Variants in DLEU7 observed in about 807,000 individuals in gnomAD.
The protein encoded by DLEU7 is deleted in lymphocytic leukemia 7, also known as leukemia-associated protein 7.
In DLEU7, 17 loss-of-function variants were observed where a neutral mutation model predicts 16.0. That is an observed-to-expected ratio of 1.06 (90% CI 0.73 to 1.59). The LOEUF is 1.59. Among genes scored for constraint, DLEU7 ranks in the 40% most tolerant of loss-of-function variants. DLEU7 has a pLI of 0.00. For synonymous variants in DLEU7, 113 were observed against 139.8 expected (o/e 0.81, Z 1.35); for missense variants, 308 against 314.9 (o/e 0.98, Z 0.17).
At chr13:50,814,761 A>AGT (rs10670911) in intron 1 of DLEU7, among the ~76,000 whole-genome samples, 7,342 of 138,576 alleles carry the variant, frequency 0.053, 533 homozygotes, top group African/African-American at 0.16. Context: ...TATTCATGTG[A>AGT]GTGTGTGTGT....
chr13:50,833,563 A>G (rs1877347346), intron 1 of DLEU7, among the ~76,000 whole-genome samples: 1 of 152,246 alleles, frequency 6.6e-6, no homozygotes, highest in Admixed American at 6.5e-5. Context: ...ATGGAAAAAC[A>G]TTCCATGCTC....
chr13:50,784,179 A>T (rs1041067809), intron 1 of DLEU7, among the ~76,000 whole-genome samples: 16 of 152,194 alleles, frequency 1.1e-4, no homozygotes, highest in African/African-American at 3.4e-4. Flanking sequence ...TGATGTGCTC[A>T]TGTTGTATTA....
At chr13:50,812,156 CGG>C (rs1876590469) in intron 1 of DLEU7, among the ~76,000 whole-genome samples, 1 of 150,694 alleles carries the variant, frequency 6.6e-6, no homozygotes. Context: ...CACTGATTTA[CGG>C]TATTTTTTTC....
At chr13:50,797,101 C>G (rs1876128144) in intron 1 of DLEU7, among the ~76,000 whole-genome samples, 1 of 152,102 alleles carries the variant, frequency 6.6e-6, no homozygotes. Context: ...GATGTAAGAT[C>G]CGAACGTGGA....
chr13:50,765,376 G>A (rs1875071510), intron 1 of DLEU7, among the ~76,000 whole-genome samples: 1 of 152,062 alleles, frequency 6.6e-6, no homozygotes. Context: ...GTGCAGACAG[G>A]GGAAGGAAAA....
intron 1 of DLEU7, among the ~76,000 whole-genome samples, chr13:50,826,263 GAC>G (rs1877083601): frequency 6.6e-6 from 1 of 152,130 alleles, no homozygotes; most frequent in Non-Finnish European, 1.5e-5. Flanking sequence ...ACAGGCCACA[GAC>G]CAGTTCCTGT....
chr13:50,724,105 A>G (rs1342511731), intron 1 of DLEU7, among the ~76,000 whole-genome samples: 2 of 152,152 alleles, frequency 1.3e-5, no homozygotes, highest in Non-Finnish European at 2.9e-5. Context: ...CAGATGGTCA[A>G]TACATTTAAT....
chr13:50,837,933 G>A (rs568436275), intron 1 of DLEU7, among the ~76,000 whole-genome samples: 162 of 152,296 alleles, frequency 1.1e-3, no homozygotes, highest in African/African-American at 3.8e-3. Context: ...AACTCATGGG[G>A]CTGGGTACTG....
chr13:50,718,580 T>A (rs1873503904), intron 1 of DLEU7, among the ~76,000 whole-genome samples: 1 of 152,202 alleles, frequency 6.6e-6, no homozygotes, highest in Non-Finnish European at 1.5e-5. Context: ...GTTTTCTGAA[T>A]CAGTCATTCT....
At position 50,739,075 on chromosome 13, in the gene DLEU7, C is replaced by T. The variant is rs2761848; in HGVS notation, c.460-25835G>A. Among the ~76,000 whole-genome samples, 736 of 152,100 alleles carry T rather than the reference C, an allele frequency of 4.8e-3. 1 individual carries two copies. Among genetic ancestry groups the T allele is most frequent in the Non-Finnish European group, 8.4e-3 (573 of 67,956 alleles). The stretch of plus-strand genomic sequence containing the variant: ...TCTTATCATGTTCTTTCCTGCCTTG[C>T]GGCTTTACCAGGGACCTACCCTACC... On this transcript the variant is annotated intron_variant, in intron 1 of 1. Transcript: ENST00000400393.
At chr13:50,748,196 ATTTCT>A (rs889279959) in intron 1 of DLEU7, among the ~76,000 whole-genome samples, 1 of 106,620 alleles carries the variant, frequency 9.4e-6, no homozygotes, top group African/African-American at 3.3e-5. Flanking sequence ...TGTTCAATTT[ATTTCT>A]TTTACTTCTT....
downstream of DLEU7, among the ~76,000 whole-genome samples, chr13:50,817,917 G>A (rs1876784672): frequency 6.6e-6 from 1 of 151,900 alleles, no homozygotes; most frequent in African/African-American, 2.4e-5. Flanking sequence ...CAAGAGAAGG[G>A]GACAAGTGCC....
At chr13:50,822,727 T>C (rs901573077), downstream of DLEU7, 9 of 985,220 alleles carry the variant, frequency 9.1e-6, no homozygotes, top group Non-Finnish European at 1.1e-5. Flanking sequence ...TAAATTAGTA[T>C]ATAAAAGCAC....
At chr13:50,733,217 G>C (rs1055938643) in intron 1 of DLEU7, among the ~76,000 whole-genome samples, 1 of 152,178 alleles carries the variant, frequency 6.6e-6, no homozygotes, top group African/African-American at 2.4e-5. Context: ...AAATACATCA[G>C]AATTTATGTC....
In DLEU7 at chr13:50,762,827, G is replaced by A. The variant is rs114472596; in HGVS notation, c.460-49587C>T. Among the ~76,000 whole-genome samples the A allele has an allele frequency of 9.4e-3, 1,370 of 145,640 alleles. 23 individuals are homozygous for A. Among genetic ancestry groups the A allele is most frequent in the African/African-American group, 0.031 (1,250 of 39,876 alleles). ...AAAAAAAAAAAAAAAAGCAACAGCC[G>A]CCTCCCCAAGATTACAAAAAGTCCC... On this transcript the variant is annotated intron_variant, in intron 1 of 1. Coordinates refer to the DLEU7 transcript ENST00000400393.
At chr13:50,789,348 G>C (rs1463078934) in intron 1 of DLEU7, among the ~76,000 whole-genome samples, 1 of 133,312 alleles carries the variant, frequency 7.5e-6, no homozygotes, top group African/African-American at 2.8e-5. Flanking sequence ...TTCTCCAGAT[G>C]ATGAGACCTA....
At chr13:50,822,305 C>T (rs191308209), downstream of DLEU7, among the ~76,000 whole-genome samples, 227 of 152,280 alleles carry the variant, frequency 1.5e-3, 1 homozygote, top group Admixed American at 6.9e-3. Flanking sequence ...ACTCCCACCA[C>T]GCAGACCCAG....
chr13:50,764,873 GTTTGT>G (rs199824550), intron 1 of DLEU7, among the ~76,000 whole-genome samples: 5 of 135,266 alleles, frequency 3.7e-5, no homozygotes, highest in Non-Finnish European at 6.0e-5. Flanking sequence ...CCTTTTTTGG[GTTTGT>G]TTTGTTTTGT....
At chr13:50,795,706 C>T (rs74078434) in intron 1 of DLEU7, among the ~76,000 whole-genome samples, 2,112 of 152,060 alleles carry the variant, frequency 0.014, 39 homozygotes, top group African/African-American at 0.048. Context: ...TAACAGTAAA[C>T]GTTATTTAAT....
Sources: gnomAD v4.1 joint callset for allele counts (sites outside exome capture counted in the v4.1 genomes callset) on GRCh38, gnomAD v4.1.1 for gene constraint, MANE v1.5 for transcripts, NCBI Gene and HGNC (gene_info 2026-07-23, HGNC 2026-07-21) for gene names.